Variants in NFATC1 observed in about 807,000 individuals in gnomAD.
NFATC1 encodes the protein nuclear factor of activated T-cells, cytoplasmic 1.
A neutral mutation model predicts 76.0 loss-of-function variants in NFATC1; 22 were observed. That is an observed-to-expected ratio of 0.29 (90% CI 0.21 to 0.41). The LOEUF is 0.41. Among genes scored for constraint, NFATC1 ranks in the 10% least tolerant of loss-of-function variants. NFATC1 has a pLI of 1.00. For synonymous variants in NFATC1, 704 were observed against 613.1 expected, an observed-to-expected ratio of 1.15 and a Z score of -2.19; for missense variants, 1,357 against 1,337.7, an observed-to-expected ratio of 1.01 and a Z score of -0.23.
chr18:79,440,468 C>T (rs2086931315), intron 3 of NFATC1, among the ~76,000 whole-genome samples: 1 of 152,264 alleles, frequency 6.6e-6, no homozygotes, highest in South Asian at 2.1e-4. Flanking sequence ...AGGCGGCGCC[C>T]TGGCAGCTCT....
At chr18:79,456,766 T>C (rs2144823769) in intron 6 of NFATC1, among the ~76,000 whole-genome samples, 1 of 152,246 alleles carries the variant, frequency 6.6e-6, no homozygotes, top group Middle Eastern at 3.4e-3. Context: ...GTGCGGGATG[T>C]AGGCCGAGGG....
chr18:79,467,823 C>T (rs1309798484), intron 8 of NFATC1: 5 of 1,147,306 alleles, frequency 4.4e-6, no homozygotes, highest in Non-Finnish European at 5.4e-6. Context: ...CAGATAGTCA[C>T]GGTTATTTTG....
intron 8 of NFATC1, among the ~76,000 whole-genome samples, chr18:79,484,248 G>A (rs756906908): frequency 2.6e-5 from 4 of 152,124 alleles, no homozygotes; most frequent in Non-Finnish European, 5.9e-5. Context: ...ACTTGCCCCA[G>A]GCCAAAGGCT....
chr18:79,514,969 G>A (rs1487027982), intron 9 of NFATC1, among the ~76,000 whole-genome samples: 1 of 152,096 alleles, frequency 6.6e-6, no homozygotes, highest in African/African-American at 2.4e-5. Flanking sequence ...GCTTGAACCT[G>A]GGAGGTCGAG....
In NFATC1 at chr18:79,396,211, C is replaced by A; in HGVS notation, c.-14C>A. On this transcript the variant is annotated 5_prime_UTR_variant, in exon 1 of 10. Transcript: ENST00000427363. ...CCTCCGCCCGCCGCTCCACTCCCCG[C>A]CGCCGCCGCGCGGATGCCAAGCACC... 6.8e-7 allele frequency: 1 copy of A among 1,479,706 alleles called. No individual in the cohort carries two copies. Among genetic ancestry groups the A allele is most frequent in the Non-Finnish European group, 9.0e-7 (1 of 1,106,972 alleles). 91.7% of individuals were successfully genotyped at this position (1,479,706 alleles called of 1,614,324 possible).
intron 6 of NFATC1, among the ~76,000 whole-genome samples, chr18:79,459,924 C>T (rs2087970402): frequency 6.6e-6 from 1 of 152,222 alleles, no homozygotes; most frequent in Non-Finnish European, 1.5e-5. Context: ...ACGCCTCTTT[C>T]TTCCCAGCTC....
intron 3 of NFATC1, among the ~76,000 whole-genome samples, chr18:79,444,548 A>G (rs1202787116): frequency 6.6e-6 from 1 of 151,650 alleles, no homozygotes; most frequent in African/African-American, 2.4e-5. Context: ...TGAAGGGGCC[A>G]GGGCAGGGCG....
chr18:79,473,705 C>T (rs181982407), intron 8 of NFATC1, among the ~76,000 whole-genome samples: 2 of 147,518 alleles, frequency 1.4e-5, no homozygotes, highest in South Asian at 2.2e-4. Flanking sequence ...CACTCACTGT[C>T]GACGTTGCAA....
In NFATC1 at chr18:79,396,235, C is replaced by T; in HGVS notation, c.11C>T (p.Thr4Ile). 6.7e-7 allele frequency: 1 copy of T among 1,494,050 alleles called. No individual in the cohort carries two copies. The highest frequency in any genetic ancestry group is 9.0e-7 in the Non-Finnish European group (1 of 1,114,788). 92.5% of individuals were successfully genotyped at this position (1,494,050 alleles called of 1,614,324 possible). A position where few individuals can be genotyped will look rare whatever the true frequency, so the allele number is the denominator to read the frequency against. ...GCCGCCGCCGCGCGGATGCCAAGCA[C>T]CAGCTTTCCAGTCCCTTCCAAGTTT... The part of the protein sequence containing the change: MPS[T>I]SFPVPSKFPL... The change falls in exon 1 of 10, where the codon ACC becomes ATC. Residue 4 changes from threonine to isoleucine, a missense_variant. Around this residue, in one of 3 missense-constraint regions of NFATC1, gnomAD observed 691 missense variants for 613.1 expected, o/e 1.13. Transcript: ENST00000427363.
At chr18:79,442,255 C>T (rs1278484674) in intron 3 of NFATC1, among the ~76,000 whole-genome samples, 1 of 152,254 alleles carries the variant, frequency 6.6e-6, no homozygotes, top group Non-Finnish European at 1.5e-5. Context: ...GAGACTGGCA[C>T]GTGTGAGGGG....
At chr18:79,527,179 G>A (rs906526578) in intron 9 of NFATC1, 6 of 211,888 alleles carry the variant, frequency 2.8e-5, no homozygotes, top group African/African-American at 1.1e-4. Context: ...TGACACCACA[G>A]AAGTGCTGGT....
At chr18:79,439,201 T>C (rs1427400060) in intron 3 of NFATC1, among the ~76,000 whole-genome samples, 1 of 152,174 alleles carries the variant, frequency 6.6e-6, no homozygotes, top group Non-Finnish European at 1.5e-5. Flanking sequence ...GAGCTCCTGG[T>C]TCTCCATGTC....
chr18:79,427,068 G>C (rs1404407842), intron 2 of NFATC1, among the ~76,000 whole-genome samples: 1 of 152,194 alleles, frequency 6.6e-6, no homozygotes, highest in Non-Finnish European at 1.5e-5. Context: ...GGGTGCGGCT[G>C]TGGCCATTGA....
chr18:79,460,131 G>C (rs1053516691), intron 6 of NFATC1, among the ~76,000 whole-genome samples: 1 of 152,218 alleles, frequency 6.6e-6, no homozygotes, highest in African/African-American at 2.4e-5. Flanking sequence ...GCCAGGGCTT[G>C]GCTGGGCGGC....
intron 8 of NFATC1, chr18:79,469,927 G>A (rs1239547535): frequency 5.1e-6 from 5 of 985,414 alleles, no homozygotes; most frequent in Non-Finnish European, 6.0e-6. Context: ...CCAGGCTGCC[G>A]CAGGGCGAGA....
chr18:79,430,498 T>C (rs1274909090), intron 2 of NFATC1, among the ~76,000 whole-genome samples: 1 of 152,192 alleles, frequency 6.6e-6, no homozygotes, highest in Non-Finnish European at 1.5e-5. Flanking sequence ...TTCTCCTGCT[T>C]CACCCTCCCA....
chr18:79,523,820 C>G (rs1296749426), intron 9 of NFATC1: 2 of 152,132 alleles, frequency 1.3e-5, no homozygotes, highest in Non-Finnish European at 2.9e-5. Flanking sequence ...GAAAAAAAAG[C>G]CCTCCTTATT....
intron 8 of NFATC1, among the ~76,000 whole-genome samples, chr18:79,471,827 C>T (rs2088798801): frequency 6.6e-6 from 1 of 152,220 alleles, no homozygotes; most frequent in Non-Finnish European, 1.5e-5. Context: ...GGTCCTTCAC[C>T]AGGGGTGGGC....
rs7506907 is a variant in NFATC1, at chr18:79,427,393, T to C, written c.1227-6186T>C. On this transcript the variant is annotated intron_variant, in intron 2 of 9. Coordinates refer to ENST00000427363, the MANE Select transcript of NFATC1 (RefSeq NM_001278669.2). Reference sequence around the variant, plus strand: ...TACGGCTGGCCTCTGTGCAGTGGGTTGGGGGGAGCTGGATGGCTGGCCTCT... The same window carrying C: ...TACGGCTGGCCTCTGTGCAGTGGGTCGGGGGGAGCTGGATGGCTGGCCTCT... Among the ~76,000 whole-genome samples the C allele has an allele frequency of 6.6e-4, 46 of 69,508 alleles. 2 individuals carry two copies. Among genetic ancestry groups the C allele is most frequent in the East Asian group, 1.3e-3 (3 of 2,348 alleles). The allele number at this position is 69,508 out of a possible 152,430, so 45.6% of individuals were successfully genotyped here.
Sources: allele counts gnomAD v4.1 joint callset (sites outside exome capture counted in the v4.1 genomes callset), GRCh38; gene constraint gnomAD v4.1.1; regional missense constraint gnomAD v4.1.1; transcripts MANE v1.5; gene names NCBI Gene and HGNC (gene_info 2026-07-23, HGNC 2026-07-21).